MTARC1: variants seen among roughly 807,000 people sequenced by gnomAD.
MTARC1 encodes the protein mitochondrial amidoxime-reducing component 1.
MTARC1 carries 24 observed loss-of-function variants against 33.6 expected under a neutral mutation model. The observed-to-expected ratio is 0.72, with a 90% CI of 0.52 to 1.01. The LOEUF (loss-of-function observed/expected upper bound fraction) is 1.01, where lower values mean the gene tolerates loss of function less well. Ranked by LOEUF, MTARC1 falls within the 50% of genes least tolerant of loss-of-function variation. The pLI is 0.00. For synonymous variants in MTARC1, 187 were observed against 189.5 expected, an observed-to-expected ratio of 0.99 and a Z score of 0.11; for missense variants, 417 against 445.7, an observed-to-expected ratio of 0.94 and a Z score of 0.58.
intron 4 of MTARC1, among the ~76,000 whole-genome samples, chr1:220,801,273 C>T (rs1008776071): frequency 6.6e-6 from 1 of 152,114 alleles, no homozygotes; most frequent in African/African-American, 2.4e-5. Flanking sequence ...TATCTTCCCT[C>T]ACAGGCCTCA....
At position 220,798,009 on chromosome 1, in the gene MTARC1, G is replaced by A. The variant is rs1298969388; in HGVS notation, c.748G>A (p.Ala250Thr). 3 of 1,614,120 alleles carry A rather than the reference G, an allele frequency of 1.9e-6. No individual in the cohort carries two copies. Among genetic ancestry groups the A allele is most frequent in the African/African-American group, 2.7e-5 (2 of 74,938 alleles). ...NIVISGCDVY[A>T]EDSWDELLIG... Reference sequence around the variant, plus strand: ...TGTAATTTCAGGATGCGATGTCTATGCAGAGGTAACACTATGCCCCTTTGG... The same window carrying A: ...TGTAATTTCAGGATGCGATGTCTATACAGAGGTAACACTATGCCCCTTTGG... The change falls in exon 4 of 7, where the codon GCA becomes ACA. Residue 250 changes from alanine to threonine, a missense_variant. By Grantham distance (58) the Ala-to-Thr change is moderately conservative (BLOSUM62 0). Transcript: ENST00000366910.
chr1:220,802,955 C>G (rs372612394), intron 4 of MTARC1, among the ~76,000 whole-genome samples: 63 of 152,334 alleles, frequency 4.1e-4, no homozygotes, highest in Middle Eastern at 6.8e-3. Context: ...TAGTGGCTCT[C>G]CATGTCACAA....
At chr1:220,811,479 G>T (rs1280619862) in intron 6 of MTARC1, among the ~76,000 whole-genome samples, 1 of 152,238 alleles carries the variant, frequency 6.6e-6, no homozygotes, top group Non-Finnish European at 1.5e-5. Context: ...GGAAGGAGCT[G>T]CAGGTCTCCA....
rs1454263546 is a variant in MTARC1 at position 220,815,846 on chromosome 1, A to G, written c.*2428A>G. 1 of 152,210 alleles carries G rather than the reference A, an allele frequency of 6.6e-6. No individual in the cohort carries two copies. Among genetic ancestry groups the G allele is most frequent in the East Asian group, 1.9e-4 (1 of 5,180 alleles). 9.4% of individuals were successfully genotyped at this position (152,210 alleles called of 1,614,324 possible). A position where few individuals can be genotyped will look rare whatever the true frequency, so the allele number is the denominator to read the frequency against. On this transcript the variant is annotated 3_prime_UTR_variant, in exon 7 of 7. Coordinates refer to ENST00000366910, the MANE Select transcript of MTARC1 (RefSeq NM_022746.4). ...TCGGTGGGCATCTCCTCTGTGTGGC[A>G]ACTTATGCTGCAGCCACAGTGGGGA... is the stretch of plus-strand genomic sequence containing the variant.
chr1:220,808,838 A>AT (rs1364799834), intron 6 of MTARC1: 1 of 470,948 alleles, frequency 2.1e-6, no homozygotes, highest in Non-Finnish European at 4.4e-6. Flanking sequence ...TGAAAATGGA[A>AT]TTTTTCTTTT....
intron 4 of MTARC1, among the ~76,000 whole-genome samples, chr1:220,802,137 T>C (rs1427528903): frequency 6.6e-6 from 1 of 152,136 alleles, no homozygotes; most frequent in Non-Finnish European, 1.5e-5. Context: ...GACCCTTTTC[T>C]CTCCCCTCCT....
At chr1:220,804,854 C>A (rs1213673251) in intron 4 of MTARC1, among the ~76,000 whole-genome samples, 198 bp from the exon 5 acceptor site, 1 of 151,832 alleles carries the variant, frequency 6.6e-6, no homozygotes, top group Non-Finnish European at 1.5e-5. Flanking sequence ...GGGGAATCAA[C>A]TGGCATATCA....
chr1:220,798,765 G>T (rs1227392755), intron 4 of MTARC1: 2 of 853,490 alleles, frequency 2.3e-6, no homozygotes, highest in African/African-American at 3.7e-5. Flanking sequence ...TCAAATTTAT[G>T]TTGAGAAGGG....
intron 6 of MTARC1, among the ~76,000 whole-genome samples, chr1:220,812,307 A>T (rs930386370): frequency 1.1e-4 from 16 of 152,252 alleles, no homozygotes; most frequent in Non-Finnish European, 2.2e-4. Flanking sequence ...AATAGTTGGA[A>T]TGTTATTCTT....
chr1:220,789,702 A>G (rs1374171402), intron 1 of MTARC1, among the ~76,000 whole-genome samples: 1 of 152,254 alleles, frequency 6.6e-6, no homozygotes, highest in Non-Finnish European at 1.5e-5. Context: ...AAAATGTGGT[A>G]TATACACACA....
intron 2 of MTARC1, chr1:220,794,413 A>ACG (rs1672537654): frequency 6.8e-6 from 1 of 147,530 alleles, no homozygotes; most frequent in African/African-American, 2.6e-5. Flanking sequence ...ATTAAACTGC[A>ACG]CACACACACA....
Position 220,805,195 on chromosome 1 carries a change from G to T in MTARC1, c.816-8G>T, listed in dbSNP as rs1191252210. On this transcript the variant is annotated splice_region_variant and splice_polypyrimidine_tract_variant and intron_variant, in intron 5 of 6. Coordinates refer to ENST00000366910, the MANE Select transcript of MTARC1 (RefSeq NM_022746.4). Reference sequence around the variant, plus strand: ...GTCCCCCTTATGATGCTCTGTGTGTGTGTCCAGATGCATTTTAACCACAGT... The same window carrying T: ...GTCCCCCTTATGATGCTCTGTGTGTTTGTCCAGATGCATTTTAACCACAGT... 1 of 1,613,944 alleles carries T rather than the reference G, an allele frequency of 6.2e-7. No homozygotes were observed. The highest frequency in any genetic ancestry group is 8.5e-7 in the Non-Finnish European group (1 of 1,180,036).
At chr1:220,807,548 A>C (rs746416102) in intron 6 of MTARC1, among the ~76,000 whole-genome samples, 30 of 152,272 alleles carry the variant, frequency 2.0e-4, no homozygotes, top group Non-Finnish European at 3.8e-4. Flanking sequence ...GTGCCACTGC[A>C]CTCCAATTTG....
intron 6 of MTARC1, among the ~76,000 whole-genome samples, chr1:220,810,318 C>T (rs148639894): frequency 1.9e-4 from 29 of 152,318 alleles, no homozygotes; most frequent in African/African-American, 7.0e-4. Flanking sequence ...TGCCACAAGG[C>T]GCCGCTAGTG....
chr1:220,810,263 C>T (rs1673088177), intron 6 of MTARC1, among the ~76,000 whole-genome samples: 1 of 152,180 alleles, frequency 6.6e-6, no homozygotes, highest in Non-Finnish European at 1.5e-5. Flanking sequence ...GAGTGTTGAA[C>T]TTAGTGTGCG....
At position 220,787,094 on chromosome 1, in the gene MTARC1, G is replaced by A. The variant is rs1672256418; in HGVS notation, c.150G>A (p.Arg50=). Residue 50 remains arginine, a synonymous_variant, in exon 1 of 7, where the codon CGG becomes CGA. Transcript: ENST00000366910. ...GCGCATGGCCCACGCGGCGCCGGCG[G>A]CTGCTGCAGCAGGTGGGCACAGTGG... The part of the protein sequence containing the change: ...WRRAWPTRRR[R]LLQQVGTVAQ... 1 of 1,509,238 alleles carries A rather than the reference G, an allele frequency of 6.6e-7. No individual in the cohort carries two copies. Among genetic ancestry groups the A allele is most frequent in the Non-Finnish European group, 8.8e-7 (1 of 1,132,690 alleles). The allele number at this position is 1,509,238 out of a possible 1,614,324, so 93.5% of individuals were successfully genotyped here.
At chr1:220,805,679 A>T (rs111599320) in intron 6 of MTARC1, among the ~76,000 whole-genome samples, 78 of 152,358 alleles carry the variant, frequency 5.1e-4, no homozygotes, top group Middle Eastern at 6.8e-3. Flanking sequence ...AAGTGATGTG[A>T]CATCTGGAAC....
At chr1:220,796,317 A>G (rs1672613234) in intron 2 of MTARC1, among the ~76,000 whole-genome samples, 1 of 152,206 alleles carries the variant, frequency 6.6e-6, no homozygotes, top group Non-Finnish European at 1.5e-5. Context: ...TTATACTGAT[A>G]CATTAGTTTT....
At position 220,787,133 on chromosome 1, in the gene MTARC1, C is replaced by T. The variant is rs1273930050; in HGVS notation, c.189C>T (p.Ile63=). 12 of 1,564,752 alleles carry T rather than the reference C, an allele frequency of 7.7e-6. No individual in the cohort carries two copies. In the South Asian group the frequency reaches 1.1e-4, roughly 14 times the overall value. ...TGGGCACAGTGGCGCAGCTCTGGATCTACCCTGTGAAATCCTGCAAGGGGG... is the reference window on the plus strand; with the variant it reads ...TGGGCACAGTGGCGCAGCTCTGGATTTACCCTGTGAAATCCTGCAAGGGGG... ...QQVGTVAQLW[I]YPVKSCKGVP... is the part of the protein sequence containing the mutation. The change falls in exon 1 of 7, where the codon ATC becomes ATT. Residue 63 remains isoleucine (I), a synonymous_variant. Coordinates refer to ENST00000366910, the MANE Select transcript of MTARC1 (RefSeq NM_022746.4).
Sources: gnomAD v4.1 joint callset for allele counts (sites outside exome capture counted in the v4.1 genomes callset) on GRCh38, gnomAD v4.1.1 for gene constraint, MANE v1.5 for transcripts, NCBI Gene and HGNC (gene_info 2026-07-23, HGNC 2026-07-21) for gene names.